The following C16orf96 variants were observed in gnomAD, a reference collection of about 807,000 sequenced individuals.
C16orf96 encodes the protein uncharacterized protein C16orf96.
C16orf96 carries 108 observed loss-of-function variants against 103.6 expected under a neutral mutation model. The observed-to-expected ratio is 1.04, with a 90% CI of 0.89 to 1.22. C16orf96 has a LOEUF of 1.22. Ranked by LOEUF, C16orf96 falls within the 50% of genes most tolerant of loss-of-function variation. C16orf96 has a pLI of 0.00. For synonymous variants in C16orf96, 566 were observed against 593.5 expected, an observed-to-expected ratio of 0.95 and a Z score of 0.67; for missense variants, 1,586 against 1,464.2, an observed-to-expected ratio of 1.08 and a Z score of -1.36.
At chr16:4,539,823 G>T in the C16orf96 span, among the ~76,000 whole-genome samples, 20 of 151,896 alleles carry the variant, frequency 1.3e-4, no homozygotes, top group Non-Finnish European at 2.8e-4. Flanking sequence ...GTGTTTTTCT[G>T]ACCCTGCAGT....
chr16:4,555,761 A>G (rs1391138674), upstream of C16orf96, among the ~76,000 whole-genome samples: 13 of 150,604 alleles, frequency 8.6e-5, no homozygotes, highest in Admixed American at 8.6e-4. Context: ...CAGTGGCACA[A>G]TCATAGCTCA....
the C16orf96 span, among the ~76,000 whole-genome samples, chr16:4,547,200 T>G: frequency 1.3e-5 from 2 of 152,196 alleles, no homozygotes; most frequent in African/African-American, 4.8e-5. Flanking sequence ...AGTGGTATGA[T>G]CTTGGCTCAC....
chr16:4,541,197 C>A, the C16orf96 span, among the ~76,000 whole-genome samples: 3 of 152,214 alleles, frequency 2.0e-5, no homozygotes, highest in African/African-American at 7.2e-5. Context: ...CAGGCGTGAG[C>A]CACCGCGCCC....
At chr16:4,567,450 AT>A (rs147445553) in intron 1 of C16orf96, among the ~76,000 whole-genome samples, 5,338 of 148,170 alleles carry the variant, frequency 0.036, 325 homozygotes, top group African/African-American at 0.13. Context: ...CGCCCGGCTA[AT>A]TTTTTTTTGT....
In C16orf96 at chr16:4,575,640, C is replaced by T. The variant is rs2059495212; in HGVS notation, c.1160C>T (p.Pro387Leu). ...CAGCCTCCACCACTGGGAGACTGGCCTGCACTCCCAAGACGCTGGCCTCTT... is the reference window on the plus strand; with the variant it reads ...CAGCCTCCACCACTGGGAGACTGGCTTGCACTCCCAAGACGCTGGCCTCTT... ...GAQPPPLGDW[P>L]ALPRRWPLPQ... The change falls in exon 5 of 16, where the codon CCT becomes CTT. Residue 387 changes from proline to leucine, a missense_variant. Transcript: ENST00000444310. 1.3e-6 allele frequency: 2 copies of T among 1,532,936 alleles called. No individual in the cohort carries two copies. The highest frequency in any genetic ancestry group is 1.2e-5 in the South Asian group (1 of 81,222). The allele number at this position is 1,532,936 out of a possible 1,614,324, so 95.0% of individuals were successfully genotyped here.
rs1897096451 is a variant in C16orf96, at chr16:4,593,124, T to C, written c.2775-100T>C. On this transcript the variant is annotated intron_variant, in intron 11 of 15. Transcript: ENST00000444310. The surrounding 1 kb of genome is among the most constrained non-coding windows in gnomAD (Gnocchi z 4.2). ...GGTGGTGACCTGAGTCTGCACCTCC[T>C]TCCTCCTGCTGGGAAGGCTTCCTGG... 1.7e-6 allele frequency: 2 copies of C among 1,169,262 alleles called. No homozygotes were observed. The highest frequency in any genetic ancestry group is 3.1e-5 in the African/African-American group (2 of 65,452). 72.4% of individuals were successfully genotyped at this position (1,169,262 alleles called of 1,614,324 possible).
At chr16:4,592,155 A>T (rs1252679139) in intron 10 of C16orf96, 150 bp from the exon 11 acceptor site, 2 of 898,794 alleles carry the variant, frequency 2.2e-6, no homozygotes, top group Non-Finnish European at 3.4e-6. Context: ...GAGAAACCAC[A>T]AGAGTGGTTG....
chr16:4,574,839 C>T, intron 3 of C16orf96, 50 bp downstream of exon 3: 2 of 1,536,526 alleles, frequency 1.3e-6, no homozygotes, highest in Non-Finnish European at 8.8e-7. Flanking sequence ...GACCCCCCAA[C>T]CTCCCGGGTC....
chr16:4,551,001 G>A, the C16orf96 span, among the ~76,000 whole-genome samples: 6 of 152,168 alleles, frequency 3.9e-5, no homozygotes, highest in African/African-American at 7.2e-5. Flanking sequence ...GGTCGGGCGC[G>A]GTGGCTCACG....
intron 12 of C16orf96, 151 bp from the exon 13 acceptor site, chr16:4,594,200 G>A (rs571236706): frequency 1.3e-5 from 11 of 835,046 alleles, no homozygotes; most frequent in South Asian, 1.8e-5. Flanking sequence ...GTATCCATCC[G>A]CCAGGCCCCA....
the C16orf96 span, among the ~76,000 whole-genome samples, chr16:4,547,514 T>C: frequency 7.9e-5 from 12 of 152,082 alleles, no homozygotes; most frequent in Non-Finnish European, 1.0e-4. Context: ...GAAAATAGAT[T>C]AGTGGTTACC....
chr16:4,549,285 T>C, the C16orf96 span, among the ~76,000 whole-genome samples: 18 of 151,888 alleles, frequency 1.2e-4, no homozygotes, highest in South Asian at 2.1e-4. Flanking sequence ...CCATCCAGGC[T>C]AACACGTTGA....
chr16:4,559,154 C>A (rs924674254), intron 1 of C16orf96, among the ~76,000 whole-genome samples: 2 of 152,066 alleles, frequency 1.3e-5, no homozygotes, highest in Admixed American at 1.3e-4. Flanking sequence ...CCTCTCTGAG[C>A]CAGAACTGTG....
chr16:4,553,643 A>G (rs574296530), upstream of C16orf96, among the ~76,000 whole-genome samples: 1 of 151,986 alleles, frequency 6.6e-6, no homozygotes, highest in South Asian at 2.1e-4. Flanking sequence ...ACGCTCAGCT[A>G]ATTTTTTATT....
intron 5 of C16orf96, among the ~76,000 whole-genome samples, chr16:4,578,221 C>T (rs2141726925): frequency 6.6e-6 from 1 of 152,252 alleles, no homozygotes; most frequent in African/African-American, 2.4e-5. Context: ...CAGCTCACTG[C>T]AGCCTCCGCC....
chr16:4,594,148 T>C (rs1390052480), intron 12 of C16orf96, among the ~76,000 whole-genome samples: 1 of 152,204 alleles, frequency 6.6e-6, no homozygotes, highest in Non-Finnish European at 1.5e-5. Context: ...TCTGGGGAAA[T>C]GCAGGTCTCA....
At position 4,594,366 on chromosome 16, in the gene C16orf96, G is replaced by A. The variant is rs1235645698; in HGVS notation, c.2883G>A (p.Leu961=). The change falls in exon 13 of 16, where the codon CTG becomes CTA. Residue 961 remains leucine (L), a synonymous_variant. Coordinates refer to ENST00000444310, the MANE Select transcript of C16orf96 (RefSeq NM_001145011.2). The stretch of plus-strand genomic sequence containing the variant: ...CCTGCTGCAGGGAACAGCAGTGGCT[G>A]CAGCTCCAGGACCTCGGTATCCAGG... ...QRQQMREQQW[L]QLQDLGIQED... 6.4e-7 allele frequency: 1 copy of A among 1,550,834 alleles called. No individual in the cohort carries two copies. Among genetic ancestry groups the A allele is most frequent in the South Asian group, 1.2e-5 (1 of 84,066 alleles).
Position 4,600,350 on chromosome 16 carries a change from C to T in C16orf96, c.*33C>T, listed in dbSNP as rs1019470152. On this transcript the variant is annotated 3_prime_UTR_variant, in exon 16 of 16. Transcript: ENST00000444310. ...CCCGCTGCGCCCCCCATCGCCAAGT[C>T]CCCTCCACGTCCGAGGCTGAGGCCC... 75 of 1,459,902 alleles carry T rather than the reference C, an allele frequency of 5.1e-5. No homozygotes were observed. The highest frequency in any genetic ancestry group is 6.6e-5 in the Non-Finnish European group (71 of 1,071,652). 90.4% of individuals were successfully genotyped at this position (1,459,902 alleles called of 1,614,324 possible). A position where few individuals can be genotyped will look rare whatever the true frequency, so the allele number is the denominator to read the frequency against.
chr16:4,587,061 G>C lies in C16orf96; in HGVS notation c.2375G>C (p.Arg792Thr). ...EFKTLQAQIK[R>T]LEMNKVNKST... is the part of the protein sequence containing the mutation. ...TAGACTCTCCAGGCTCAAATCAAAA[G>C]ACTGGAAATGAACAAGGTGAATAAG... The change falls in exon 8 of 16, where the codon AGA (arginine) becomes ACA (threonine). Residue 792 changes from arginine to threonine, a missense_variant. Arg to Thr is a moderately conservative substitution (Grantham distance 71). Transcript: ENST00000444310. 6.4e-7 allele frequency: 1 copy of C among 1,551,582 alleles called. No homozygotes were observed. Among genetic ancestry groups the C allele is most frequent in the Non-Finnish European group, 8.7e-7 (1 of 1,146,936 alleles).
Sources: gnomAD v4.1 joint callset for allele counts (sites outside exome capture counted in the v4.1 genomes callset) on GRCh38, gnomAD v4.1.1 for gene constraint, Gnocchi (gnomAD v3.1) non-coding constraint, MANE v1.5 for transcripts, NCBI Gene and HGNC (gene_info 2026-07-23, HGNC 2026-07-21) for gene names.